NFATC2: variants seen among roughly 807,000 people sequenced by gnomAD.
The protein encoded by NFATC2 is nuclear factor of activated T-cells, cytoplasmic 2.
NFATC2 carries 22 observed loss-of-function variants against 87.3 expected under a neutral mutation model. That is an observed-to-expected ratio of 0.25 (90% CI 0.18 to 0.36). NFATC2 has a LOEUF of 0.36. Among genes scored for constraint, NFATC2 ranks in the 10% least tolerant of loss-of-function variants. The pLI, the probability that NFATC2 is intolerant of heterozygous loss-of-function variation, is 1.00. For missense variants in NFATC2, 1,149 were observed against 1,259.1 expected (o/e 0.91, Z 1.32); for synonymous variants, 565 against 542.2 (o/e 1.04, Z -0.58).
intron 6 of NFATC2, among the ~76,000 whole-genome samples, 171 bp from the exon 7 acceptor site, chr20:51,435,932 TC>T (rs1185492444): frequency 6.6e-6 from 1 of 152,228 alleles, no homozygotes; most frequent in Non-Finnish European, 1.5e-5. Context: ...TATAAATATT[TC>T]CTTTTTCCAA....
intron 3 of NFATC2, among the ~76,000 whole-genome samples, chr20:51,500,946 T>C (rs2076080240): frequency 7.0e-6 from 1 of 143,636 alleles, no homozygotes; most frequent in African/African-American, 2.6e-5. Flanking sequence ...TGTTTTAGAC[T>C]AGCAGAAACA....
At chr20:51,509,028 TCCTTCC>T (rs1427553465) in intron 3 of NFATC2, among the ~76,000 whole-genome samples, 1 of 151,852 alleles carries the variant, frequency 6.6e-6, no homozygotes, top group African/African-American at 2.4e-5. Flanking sequence ...CGCCCCCCTA[TCCTTCC>T]CCTTCCCCTG....
Position 51,454,610 on chromosome 20 carries a change from A to G in NFATC2, c.1787T>C (p.Met596Thr). ...TGTAAAGTTCTGCCCCGTGAGGATC[A>G]TTTGCTGGCCGCCATAGACCAGGCA... ...DSCLVYGGQQ[M>T]ILTGQNFTSE... Residue 596 changes from methionine (M) to threonine (T), a missense_variant, in exon 6 of 11, where the codon ATG becomes ACG. Transcript: ENST00000371564. 3 of 1,614,128 alleles carry G rather than the reference A, an allele frequency of 1.9e-6. No individual in the cohort carries two copies. Among genetic ancestry groups the G allele is most frequent in the Non-Finnish European group, 2.5e-6 (3 of 1,180,018 alleles).
At chr20:51,542,847 C>T, upstream of NFATC2, 1 of 490,570 alleles carries the variant, frequency 2.0e-6, no homozygotes, top group Non-Finnish European at 2.6e-6. Context: ...GCGGCCTGGG[C>T]TGGCCGGTGC....
chr20:51,538,754 T>C (rs2076760444), intron 1 of NFATC2, among the ~76,000 whole-genome samples: 1 of 152,232 alleles, frequency 6.6e-6, no homozygotes, highest in African/African-American at 2.4e-5. Context: ...TTGATTTAAA[T>C]GGGTTAACCT....
chr20:51,443,878 A>G (rs1481676521), intron 6 of NFATC2, among the ~76,000 whole-genome samples: 1 of 152,140 alleles, frequency 6.6e-6, no homozygotes, highest in Non-Finnish European at 1.5e-5. Flanking sequence ...CACTTTGGGC[A>G]AAAGGGTTAG....
rs563563111 is a variant in NFATC2 at position 51,412,907 on chromosome 20, CAGGAGA to C, written c.2723-14183_2723-14178del. Among the ~76,000 whole-genome samples, 72 of 151,972 alleles carry C rather than the reference CAGGAGA, an allele frequency of 4.7e-4. 1 individual carries two copies. In the East Asian group the frequency reaches 5.1e-3, roughly 11 times the overall value. ...AAGCACAACAGAACAACAAGGAGCA[CAGGAGA>C]AGGAGAAGGAGAAGCACAGGATGAG... On this transcript the variant is annotated intron_variant, in intron 9 of 10. Transcript: ENST00000371564.
chr20:51,496,702 A>G (rs73128900), intron 3 of NFATC2, among the ~76,000 whole-genome samples: 7,731 of 152,278 alleles, frequency 0.051, 241 homozygotes, highest in Middle Eastern at 0.13. Flanking sequence ...TAACTTGCCC[A>G]GGGTCACAAA....
chr20:51,538,355 T>C (rs1419592908), intron 1 of NFATC2, among the ~76,000 whole-genome samples: 1 of 152,004 alleles, frequency 6.6e-6, no homozygotes, highest in African/African-American at 2.4e-5. Flanking sequence ...GCCTTTGATA[T>C]AATTCAACTC....
chr20:51,426,048 C>T (rs1981779604), intron 9 of NFATC2, among the ~76,000 whole-genome samples: 1 of 152,206 alleles, frequency 6.6e-6, no homozygotes, highest in South Asian at 2.1e-4. Context: ...GCTACGTCCA[C>T]TCATCTATCC....
chr20:51,542,288 G>A (rs2076831522), intron 1 of NFATC2, 82 bp downstream of exon 1: 2 of 1,495,098 alleles, frequency 1.3e-6, no homozygotes, highest in Non-Finnish European at 1.8e-6. Context: ...GACGGCTGGA[G>A]CCAAGAGGAC....
intron 6 of NFATC2, among the ~76,000 whole-genome samples, chr20:51,436,180 C>T (rs1438878877): frequency 2.0e-5 from 3 of 152,034 alleles, no homozygotes; most frequent in East Asian, 1.9e-4. Context: ...CATTCATACC[C>T]GAACCTCAGT....
At chr20:51,550,138 GT>G (rs1025707708) in intron 1 of NFATC2, among the ~76,000 whole-genome samples, 5 of 152,182 alleles carry the variant, frequency 3.3e-5, no homozygotes, top group African/African-American at 1.2e-4. Flanking sequence ...GAGGCCAGGA[GT>G]TTGAGACCAG....
chr20:51,417,458 C>T (rs545797664), intron 9 of NFATC2, among the ~76,000 whole-genome samples: 35 of 152,302 alleles, frequency 2.3e-4, no homozygotes, highest in African/African-American at 8.4e-4. Flanking sequence ...CCCAGCTCTG[C>T]CCTACGTGCT....
At chr20:51,465,829 T>A (rs1987626982) in intron 5 of NFATC2, among the ~76,000 whole-genome samples, 1 of 152,118 alleles carries the variant, frequency 6.6e-6, no homozygotes, top group Non-Finnish European at 1.5e-5. Context: ...CACTAGAATG[T>A]AACCTTTGTG....
At chr20:51,428,481 G>A (rs982487585) in intron 9 of NFATC2, among the ~76,000 whole-genome samples, 2 of 152,216 alleles carry the variant, frequency 1.3e-5, no homozygotes, top group East Asian at 1.9e-4. Flanking sequence ...GCGCCTTGGT[G>A]TTCCAAGAAC....
chr20:51,484,580 C>T (rs1337932165), intron 3 of NFATC2, among the ~76,000 whole-genome samples: 5 of 152,186 alleles, frequency 3.3e-5, no homozygotes, highest in Non-Finnish European at 7.4e-5. Flanking sequence ...TGGGAGGGGC[C>T]GGAGCAGCTG....
At chr20:51,514,299 A>G (rs2076317302) in intron 3 of NFATC2, among the ~76,000 whole-genome samples, 1 of 152,212 alleles carries the variant, frequency 6.6e-6, no homozygotes, top group African/African-American at 2.4e-5. Flanking sequence ...CCAGAAATGG[A>G]TACAGATTCT....
intron 9 of NFATC2, among the ~76,000 whole-genome samples, chr20:51,410,680 C>T (rs2146270291): frequency 6.6e-6 from 1 of 152,092 alleles, no homozygotes; most frequent in Admixed American, 6.5e-5. Context: ...AGACAGATCT[C>T]CTTTGCACCC....
Sources: allele counts gnomAD v4.1 joint callset (sites outside exome capture counted in the v4.1 genomes callset), GRCh38; gene constraint gnomAD v4.1.1; transcripts MANE v1.5; gene names NCBI Gene and HGNC (gene_info 2026-07-23, HGNC 2026-07-21).